Variants in SEZ6 observed in about 807,000 individuals in gnomAD.
SEZ6 encodes seizure protein 6 homolog.
A neutral mutation model predicts 101.0 loss-of-function variants in SEZ6; 53 were observed. The observed-to-expected ratio is 0.52, with a 90% CI of 0.42 to 0.66. SEZ6 has a LOEUF of 0.66. SEZ6 is among the 30% of genes least tolerant of loss of function. SEZ6 has a pLI of 0.00. For synonymous variants in SEZ6, 488 were observed against 512.2 expected, an observed-to-expected ratio of 0.95 and a Z score of 0.64; for missense variants, 1,102 against 1,289.4, an observed-to-expected ratio of 0.85 and a Z score of 2.23.
intron 3 of SEZ6, among the ~76,000 whole-genome samples, chr17:28,970,429 C>T (rs1598190030): frequency 6.6e-6 from 1 of 152,232 alleles, no homozygotes; most frequent in East Asian, 1.9e-4. Context: ...ACCCAGCCTG[C>T]CTCATGCTAG....
chr17:28,969,925 C>T lies in SEZ6; in HGVS notation c.886G>A (p.Glu296Lys), dbSNP rs2041127617. Residue 296 changes from glutamate to lysine, a missense_variant, in exon 4 of 17, where the codon GAG (glutamate) becomes AAG (lysine). Around this residue, in one of 3 missense-constraint regions of SEZ6, gnomAD observed 406 missense variants for 418.6 expected, o/e 0.97. Transcript: ENST00000317338. Reference sequence around the variant, plus strand: ...CCCAGGCCTTCCACAGTCACTGTCTCCCCTTCCCGGAGGCTGATATTCTGG... The same window carrying T: ...CCCAGGCCTTCCACAGTCACTGTCTTCCCTTCCCGGAGGCTGATATTCTGG... ...KVQNISLREGETVTVEGLGGP... is the reference protein window; with the variant it reads ...KVQNISLREGKTVTVEGLGGP... 4 of 1,542,176 alleles carry T rather than the reference C, an allele frequency of 2.6e-6. No homozygotes were observed. Among genetic ancestry groups the T allele is most frequent in the East Asian group, 5.2e-5 (2 of 38,656 alleles).
At chr17:28,970,861 TG>T (rs2041141688) in intron 3 of SEZ6, among the ~76,000 whole-genome samples, 1 of 152,238 alleles carries the variant, frequency 6.6e-6, no homozygotes, top group African/African-American at 2.4e-5. Flanking sequence ...CTGCCCAACT[TG>T]GCCCCTGCTG....
chr17:28,964,182 T>C, intron 4 of SEZ6, 35 bp from the exon 5 acceptor site: 1 of 1,436,028 alleles, frequency 7.0e-7, no homozygotes, highest in Non-Finnish European at 9.5e-7. Flanking sequence ...TGTGTATGTG[T>C]GCAGGGTGGG....
At chr17:29,003,405 G>C (rs972487926) in intron 1 of SEZ6, among the ~76,000 whole-genome samples, 4 of 152,214 alleles carry the variant, frequency 2.6e-5, no homozygotes, top group African/African-American at 9.6e-5. Context: ...CCCTACCTCC[G>C]CAGCCTCGGC....
Position 28,969,649 on chromosome 17 carries a change from C to G in SEZ6, c.1054+108G>C, listed in dbSNP as rs115756581. ...GGACATTTGTGCTATGTGTCACTAG[C>G]CCCTCTCTGCTCCTTCCCTCTAGGA... On this transcript the variant is annotated intron_variant, in intron 4 of 16. Coordinates refer to ENST00000317338, the MANE Select transcript of SEZ6 (RefSeq NM_178860.5). The G allele has an allele frequency of 2.4e-3, 2,488 of 1,044,366 alleles. 38 individuals are homozygous for G. In the African/African-American group the frequency reaches 0.038, roughly 16 times the overall value. The allele number at this position is 1,044,366 out of a possible 1,614,324, so 64.7% of individuals were successfully genotyped here. A position where few individuals can be genotyped will look rare whatever the true frequency, so the allele number is the denominator to read the frequency against.
At chr17:28,962,547 G>A (rs1484256200) in intron 5 of SEZ6, among the ~76,000 whole-genome samples, 1 of 152,096 alleles carries the variant, frequency 6.6e-6, no homozygotes, top group Non-Finnish European at 1.5e-5. Context: ...GGGAGGCCGA[G>A]GCAGGTGGAT....
rs1170180729 is a variant in SEZ6, at chr17:28,960,545, G to A, written c.1536C>T (p.Asp512=). Reference sequence around the variant, plus strand: ...CCATGCCTGCAGCTGCCCCGCTGCTGTCAGTACTGAGCTCAACAAAGAAGT... The same window carrying A: ...CCATGCCTGCAGCTGCCCCGCTGCTATCAGTACTGAGCTCAACAAAGAAGT... ...GKHFFVELST[D]SSGAAAGMAL... The change falls in exon 7 of 17, where the codon GAC becomes GAT. Residue 512 remains aspartate (D), a synonymous_variant. Transcript: ENST00000317338. The A allele has an allele frequency of 4.4e-6, 7 of 1,593,650 alleles. No homozygotes were observed. Among genetic ancestry groups the A allele is most frequent in the Non-Finnish European group, 6.0e-6 (7 of 1,170,544 alleles).
Position 28,960,854 on chromosome 17 carries a change from G to T in SEZ6, c.1360C>A (p.Arg454=). 1.2e-6 allele frequency: 2 copies of T among 1,613,944 alleles called. No homozygotes were observed. The highest frequency in any genetic ancestry group is 1.7e-6 in the Non-Finnish European group (2 of 1,179,866). Residue 454 remains arginine, a synonymous_variant, in exon 6 of 17, where the codon CGG becomes AGG. Coordinates refer to ENST00000317338, the MANE Select transcript of SEZ6 (RefSeq NM_178860.5). ...HWLLEAPEGQ[R]LHLHFEKVSL... ...ACCTTCTCAAAGTGCAGGTGTAGCC[G>T]CTGGCCCTCAGGAGCCTCAAGCAGC...
Position 28,959,465 on chromosome 17 carries a change from G to A in SEZ6, c.1779C>T (p.Cys593=), listed in dbSNP as rs1174054734. 6.2e-7 allele frequency: 1 copy of A among 1,613,050 alleles called. No homozygotes were observed. Among genetic ancestry groups the A allele is most frequent in the East Asian group, 2.2e-5 (1 of 44,878 alleles). ...NETEPACRAV[C]SGEITDSAGV... ...CAGCCGAGTCTGTGATCTCCCCGCT[G>A]CACACGGCTGGAAGGCAGAGGAGGC... Residue 593 remains cysteine (C), a synonymous_variant, in exon 9 of 17, where the codon TGC becomes TGT. Transcript: ENST00000317338. The surrounding 1 kb of genome is among the most constrained non-coding windows in gnomAD (Gnocchi z 4.4).
intron 3 of SEZ6, among the ~76,000 whole-genome samples, chr17:28,975,668 A>G (rs1156765002): frequency 6.6e-6 from 1 of 152,202 alleles, no homozygotes; most frequent in Non-Finnish European, 1.5e-5. Context: ...TTGTCCAGAA[A>G]TTCCACCCAA....
At chr17:28,986,945 C>A (rs1352043994) in intron 1 of SEZ6, among the ~76,000 whole-genome samples, 2 of 152,246 alleles carry the variant, frequency 1.3e-5, no homozygotes, top group Non-Finnish European at 2.9e-5. Context: ...TTTCCCAAGC[C>A]TCTGGCCCCT....
intron 1 of SEZ6, among the ~76,000 whole-genome samples, chr17:28,989,849 C>T (rs1391804832): frequency 6.6e-6 from 1 of 152,184 alleles, no homozygotes; most frequent in African/African-American, 2.4e-5. Flanking sequence ...GGGGGGATCA[C>T]CTGAGGTCAG....
In SEZ6 at chr17:28,960,788, C is replaced by G; in HGVS notation, c.1409+17G>C. 6.2e-7 allele frequency: 1 copy of G among 1,613,656 alleles called. No individual in the cohort carries two copies. Among genetic ancestry groups the G allele is most frequent in the East Asian group, 2.2e-5 (1 of 44,868 alleles). ...TACCAGGCCAGGCACTCCCATTCCA[C>G]TAGGACAGCCCCTCACCTGTCATCA... On this transcript the variant is annotated intron_variant, in intron 6 of 16. Coordinates refer to ENST00000317338, the MANE Select transcript of SEZ6 (RefSeq NM_178860.5).
At chr17:28,978,316 G>C (rs560966827) in intron 3 of SEZ6, among the ~76,000 whole-genome samples, 2 of 152,208 alleles carry the variant, frequency 1.3e-5, no homozygotes, top group Non-Finnish European at 2.9e-5. Flanking sequence ...CCCTTTGTCC[G>C]ATCATTCAGT....
intron 1 of SEZ6, among the ~76,000 whole-genome samples, chr17:29,003,806 T>C (rs1321261120): frequency 6.6e-6 from 1 of 152,194 alleles, no homozygotes; most frequent in Non-Finnish European, 1.5e-5. Flanking sequence ...AATAGAGGTC[T>C]TTCCCAACAG....
chr17:28,962,423 G>A (rs2040992256), intron 5 of SEZ6, among the ~76,000 whole-genome samples: 1 of 152,192 alleles, frequency 6.6e-6, no homozygotes, highest in African/African-American at 2.4e-5. Flanking sequence ...CGAGGGCTGA[G>A]AAAGCATCTG....
chr17:28,988,280 C>T (rs2041410097), intron 1 of SEZ6, among the ~76,000 whole-genome samples: 1 of 152,200 alleles, frequency 6.6e-6, no homozygotes, highest in Non-Finnish European at 1.5e-5. Context: ...CCTGGGGGCA[C>T]TTCCTAGTGG....
intron 1 of SEZ6, among the ~76,000 whole-genome samples, chr17:28,999,995 T>TGGG (rs1568004990): frequency 1.3e-5 from 2 of 152,230 alleles, no homozygotes; most frequent in East Asian, 3.8e-4. Context: ...GAAGGGCTGT[T>TGGG]TATGTCTTGG....
At chr17:29,002,444 G>A (rs1350257191) in intron 1 of SEZ6, among the ~76,000 whole-genome samples, 2 of 152,160 alleles carry the variant, frequency 1.3e-5, no homozygotes, top group Non-Finnish European at 2.9e-5. Context: ...CCCTGCTGAG[G>A]AGGCCAGGAT....
Sources: allele counts gnomAD v4.1 joint callset (sites outside exome capture counted in the v4.1 genomes callset), GRCh38; gene constraint gnomAD v4.1.1; regional missense constraint gnomAD v4.1.1; non-coding constraint Gnocchi (gnomAD v3.1); transcripts MANE v1.5; gene names NCBI Gene and HGNC (gene_info 2026-07-23, HGNC 2026-07-21).